The following MYH7B variants were observed in gnomAD, a reference collection of about 807,000 sequenced individuals.
MYH7B encodes myosin heavy chain 7B, also known as myosin-7B.
MYH7B carries 205 observed loss-of-function variants against 234.5 expected under a neutral mutation model. That is an observed-to-expected ratio of 0.87 (90% CI 0.78 to 0.98). The LOEUF (loss-of-function observed/expected upper bound fraction) is 0.98, where lower values mean the gene tolerates loss of function less well. Among genes scored for constraint, MYH7B ranks in the 50% least tolerant of loss-of-function variants. The pLI is 0.00. For synonymous variants in MYH7B, 1,193 were observed against 1,105.0 expected, an observed-to-expected ratio of 1.08 and a Z score of -1.58; for missense variants, 2,652 against 2,633.4, an observed-to-expected ratio of 1.01 and a Z score of -0.15.
exon 1 of MYH7B, chr20:34,955,971 AGGGGAGGGGACCATCGGGGTCGGC>A (rs1474486580): frequency 6.6e-6 from 1 of 152,248 alleles, no homozygotes; most frequent in African/African-American, 2.4e-5. Flanking sequence ...CTTGGGAAGG[AGGGGAGGGGACCATCGGGGTCGGC>A]GGGGAGCTAC....
chr20:34,984,862 TG>T lies in MYH7B; in HGVS notation c.658del (p.Glu220ArgfsTer20). 6.2e-7 allele frequency: 1 copy of T among 1,613,888 alleles called. No homozygotes were observed. Among genetic ancestry groups the T allele is most frequent in the Non-Finnish European group, 8.5e-7 (1 of 1,179,814 alleles). ...CACCCCCACCGCCCCAGGGCACCCTTGAGGATCAAATCATCGAGGCCAACCC... is the reference window on the plus strand; with the variant it reads ...CACCCCCACCGCCCCAGGGCACCCTTAGGATCAAATCATCGAGGCCAACCC... On this transcript the variant is annotated frameshift_variant, in exon 12 of 45. Coordinates refer to ENST00000262873, the Ensembl canonical transcript of MYH7B. LOFTEE classifies it high-confidence loss of function.
chr20:35,000,054 A>C (rs1218935790), intron 38 of MYH7B, 148 bp downstream of exon 38: 1 of 930,212 alleles, frequency 1.1e-6, no homozygotes, highest in Non-Finnish European at 1.6e-6. Context: ...GAGATGCTAA[A>C]GGACTTGCCC....
In MYH7B at chr20:34,990,130, T is replaced by G. The variant is rs1196705714; in HGVS notation, c.1884T>G (p.Tyr628Ter). 1 of 1,614,052 alleles carries G rather than the reference T, an allele frequency of 6.2e-7. No homozygotes were observed. The highest frequency in any genetic ancestry group is 1.3e-5 in the African/African-American group (1 of 74,932). Residue 628 changes from tyrosine to a stop codon, truncating the protein, a stop_gained, in exon 21 of 45, where the codon TAT becomes TAG. Transcript: ENST00000262873. LOFTEE classifies it high-confidence loss of function. ...TCCTGGCGACTCTCTATGAGAATTA[T>G]GCGGGCTCCTGCTCCAGTGAGTATG...
At chr20:34,972,340 T>C (rs534255538) in intron 2 of MYH7B, among the ~76,000 whole-genome samples, 1 of 152,068 alleles carries the variant, frequency 6.6e-6, no homozygotes, top group South Asian at 2.1e-4. Flanking sequence ...CTGTTCCTTC[T>C]GCTTGGAATA....
chr20:34,988,232 C>T, exon 19 of MYH7B: 2 of 1,614,040 alleles, frequency 1.2e-6, no homozygotes, highest in Non-Finnish European at 8.5e-7. Flanking sequence ...TCGGCCTTGA[C>T]CTGCAGCCTT....
intron 14 of MYH7B, among the ~76,000 whole-genome samples, 197 bp downstream of exon 14, chr20:34,986,395 G>A (rs887734227): frequency 3.3e-5 from 5 of 152,224 alleles, no homozygotes; most frequent in African/African-American, 7.2e-5. Flanking sequence ...CTGCCAACGT[G>A]TTATCGCTGC....
At chr20:34,959,481 CT>C (rs11467878) in intron 2 of MYH7B, among the ~76,000 whole-genome samples, 8,308 of 141,982 alleles carry the variant, frequency 0.059, 691 homozygotes, top group African/African-American at 0.2. Context: ...TTCTTTCTTT[CT>C]TTTTTTTTTT....
intron 23 of MYH7B, 64 bp from the exon 24 acceptor site, chr20:34,990,940 G>A: frequency 6.4e-7 from 1 of 1,569,764 alleles, no homozygotes; most frequent in Non-Finnish European, 8.7e-7. Context: ...CTCCACTGCT[G>A]CTTTTTCTCT....
intron 10 of MYH7B, 31 bp from the exon 11 acceptor site, chr20:34,984,661 C>T (rs2081987977): frequency 6.4e-7 from 1 of 1,563,442 alleles, no homozygotes; most frequent in South Asian, 1.1e-5. Context: ...GGAGGCCTGG[C>T]CCTCTAATGT....
chr20:34,967,413 G>T (rs1471516718), intron 2 of MYH7B, among the ~76,000 whole-genome samples: 2 of 152,006 alleles, frequency 1.3e-5, no homozygotes. Flanking sequence ...AGCAAGCAGG[G>T]TCACCCTCAG....
intron 2 of MYH7B, among the ~76,000 whole-genome samples, chr20:34,961,378 A>G (rs2081696114): frequency 6.6e-6 from 1 of 152,204 alleles, no homozygotes; most frequent in Admixed American, 6.5e-5. Flanking sequence ...AGCTTGCAAA[A>G]TAAAACACTG....
exon 18 of MYH7B, chr20:34,987,775 C>T (rs1307966713): frequency 4.3e-6 from 7 of 1,614,074 alleles, no homozygotes; most frequent in Non-Finnish European, 5.9e-6. Flanking sequence ...GTGGTGTTTG[C>T]TGTGGGGGCT....
At chr20:34,982,614 C>T (rs2081957591) in intron 10 of MYH7B, 59 bp downstream of exon 10, 1 of 1,352,340 alleles carries the variant, frequency 7.4e-7, no homozygotes, top group Non-Finnish European at 1.0e-6. Context: ...TCTTTTCTTT[C>T]TTCCTCTCTT....
Position 34,986,270 on chromosome 20 carries a change from T to C in MYH7B, c.904+72T>C. 4 of 1,215,408 alleles carry C rather than the reference T, an allele frequency of 3.3e-6. No homozygotes were observed. The South Asian group carries it at 5.2e-5, about 16-fold the overall frequency. 75.3% of individuals were successfully genotyped at this position (1,215,408 alleles called of 1,614,324 possible). ...GCTGCCTGGCGCTTCCTGGCCCCCA[T>C]CAGGCCAGGCCCTGGTGGTCTTTCC... On this transcript the variant is annotated intron_variant, in intron 14 of 44. Transcript: ENST00000262873.
rs1042683381 is a variant in MYH7B, at chr20:34,996,241, T to C, written c.2944-105T>C. On this transcript the variant is annotated intron_variant, in intron 28 of 44. Coordinates refer to ENST00000262873, the Ensembl canonical transcript of MYH7B. ...GAGGCTCGGAGTCAAGTGACTTGCCTGAGTCCCATAGCTGGAAGGGGCACT... is the reference window on the plus strand; with the variant it reads ...GAGGCTCGGAGTCAAGTGACTTGCCCGAGTCCCATAGCTGGAAGGGGCACT... The C allele has an allele frequency of 5.3e-6, 7 of 1,330,250 alleles. No homozygotes were observed. The African/African-American group carries it at 5.9e-5, about 11-fold the overall frequency. The allele number at this position is 1,330,250 out of a possible 1,614,324, so 82.4% of individuals were successfully genotyped here.
At chr20:34,998,124 G>A (rs923209530) in intron 32 of MYH7B, among the ~76,000 whole-genome samples, 171 bp from the exon 33 acceptor site, 1 of 152,164 alleles carries the variant, frequency 6.6e-6, no homozygotes, top group Middle Eastern at 3.2e-3. Context: ...CACCTGTTAA[G>A]CCCAGCAGTA....
At chr20:34,981,951 G>A (rs942222426) in intron 9 of MYH7B, 5 of 154,798 alleles carry the variant, frequency 3.2e-5, no homozygotes, top group African/African-American at 1.2e-4. Context: ...ACTTGGGGAG[G>A]CTGAGGCAGG....
intron 4 of MYH7B, 59 bp from the exon 5 acceptor site, chr20:34,977,875 G>A (rs1294142534): frequency 1.2e-6 from 2 of 1,605,522 alleles, no homozygotes; most frequent in Non-Finnish European, 1.7e-6. Flanking sequence ...CTAGTATCTG[G>A]TCTTGTGGGT....
Position 34,985,053 on chromosome 20 carries a change from C to T in MYH7B, c.742-13C>T. 6.2e-7 allele frequency: 1 copy of T among 1,614,090 alleles called. No individual in the cohort carries two copies. ...CTGTGCCCCTTGGCTGAGGGCTGCC[C>T]CTCTGCCCACAGGGCAAGTTCATCC... is the stretch of plus-strand genomic sequence containing the variant. On this transcript the variant is annotated splice_polypyrimidine_tract_variant and intron_variant, in intron 12 of 44. Transcript: ENST00000262873.
Sources: gnomAD v4.1 joint callset for allele counts (sites outside exome capture counted in the v4.1 genomes callset) on GRCh38, gnomAD v4.1.1 for gene constraint, MANE v1.5 for transcripts, NCBI Gene and HGNC (gene_info 2026-07-23, HGNC 2026-07-21) for gene names.